The following WNT4 variants were observed in gnomAD, a reference collection of about 807,000 sequenced individuals.
WNT4 encodes the protein Wnt family member 4, also known as protein Wnt-4.
In WNT4, 16 loss-of-function variants were observed where a neutral mutation model predicts 34.5. The observed-to-expected ratio is 0.46, with a 90% CI of 0.31 to 0.70. The LOEUF is 0.70. Ranked by LOEUF, WNT4 falls within the 30% of genes least tolerant of loss-of-function variation. WNT4 has a pLI of 0.04. For synonymous variants in WNT4, 200 were observed against 211.9 expected, an observed-to-expected ratio of 0.94 and a Z score of 0.49; for missense variants, 379 against 495.9, an observed-to-expected ratio of 0.76 and a Z score of 2.24.
intron 2 of WNT4, among the ~76,000 whole-genome samples, chr1:22,128,540 A>G (rs1345770077): frequency 6.6e-6 from 1 of 152,056 alleles, no homozygotes; most frequent in African/African-American, 2.4e-5. Context: ...GCTGAGGACC[A>G]ATCTCCTCGG....
chr1:22,140,403 T>A lies in WNT4; in HGVS notation c.77+2443A>T, dbSNP rs1050763388. On this transcript the variant is annotated intron_variant, in intron 1 of 4. Coordinates refer to ENST00000290167, the MANE Select transcript of WNT4 (RefSeq NM_030761.5). This position sits in a 1 kb window ranked among gnomAD's most constrained non-coding sequence, Gnocchi z 5.9. ...GATTTAGATCATGCTGTGGGAGTCA[T>A]CATAATAATTATTATTGTCATGATC... 2.9e-6 allele frequency: 1 copy of A among 348,660 alleles called. No individual in the cohort carries two copies. The highest frequency in any genetic ancestry group is 2.2e-5 in the African/African-American group (1 of 45,032). The allele number at this position is 348,660 out of a possible 1,614,324, so 21.6% of individuals were successfully genotyped here. A position where few individuals can be genotyped will look rare whatever the true frequency, so the allele number is the denominator to read the frequency against.
At chr1:22,138,458 G>A (rs1185375414) in intron 1 of WNT4, among the ~76,000 whole-genome samples, 3 of 152,152 alleles carry the variant, frequency 2.0e-5, no homozygotes, top group Non-Finnish European at 4.4e-5. Flanking sequence ...CTTTCGCTTG[G>A]GGGGATGTTA....
chr1:22,127,019 T>G (rs1425181549), intron 2 of WNT4: 1 of 342,058 alleles, frequency 2.9e-6, no homozygotes, highest in Non-Finnish European at 5.8e-6. Flanking sequence ...TTCCTCTTAG[T>G]CAGTGGAGAC....
intron 1 of WNT4, among the ~76,000 whole-genome samples, chr1:22,132,376 A>AG (rs1287311309): frequency 3.9e-5 from 6 of 152,092 alleles, no homozygotes; most frequent in South Asian, 4.1e-4. Flanking sequence ...TTCTCTGGGC[A>AG]GGGGGGGCAG....
chr1:22,133,620 C>A (rs1022739291), intron 1 of WNT4, among the ~76,000 whole-genome samples: 1 of 152,258 alleles, frequency 6.6e-6, no homozygotes, highest in Non-Finnish European at 1.5e-5. Flanking sequence ...CCAATTTAGG[C>A]TCCTTCCTGC....
At chr1:22,125,195 G>A (rs1049511251) in intron 2 of WNT4, among the ~76,000 whole-genome samples, 2 of 152,072 alleles carry the variant, frequency 1.3e-5, no homozygotes, top group Admixed American at 1.3e-4. Flanking sequence ...GCCAGACCTC[G>A]CACCTCTCTG....
intron 1 of WNT4, among the ~76,000 whole-genome samples, chr1:22,138,156 A>G (rs1477648425): frequency 6.6e-6 from 1 of 152,246 alleles, no homozygotes; most frequent in African/African-American, 2.4e-5. Flanking sequence ...AAACGGTTCT[A>G]TAGGCAGGGG....
rs766760706 is a variant in WNT4, at chr1:22,120,172, C to G, written c.934G>C (p.Gly312Arg). 1 of 1,613,622 alleles carries G rather than the reference C, an allele frequency of 6.2e-7. No individual in the cohort carries two copies. Among genetic ancestry groups the G allele is most frequent in the East Asian group, 2.2e-5 (1 of 44,898 alleles). The change falls in exon 5 of 5, where the codon GGC (glycine) becomes CGC (arginine). Residue 312 changes from glycine (G) to arginine (R), a missense_variant. Gly to Arg is a moderately radical substitution (Grantham distance 125). Transcript: ENST00000290167. The stretch of plus-strand genomic sequence containing the variant: ...ACCTGCGCCGTGTGGAAGCCGCGGC[C>G]ACAGCACAGCAGCTCACAGCCGTCG... The part of the protein sequence containing the change: ...AIDGCELLCC[G>R]RGFHTAQVEL...
rs973456725 is a variant in WNT4 at position 22,129,749 on chromosome 1, G to T, written c.180C>A (p.Asn60Lys). Residue 60 changes from asparagine to lysine, a missense_variant, in exon 2 of 5, where the codon AAC becomes AAA. This residue lies in a region of WNT4 where 313 missense variants were observed against 445.8 expected (regional missense o/e 0.70). Coordinates refer to ENST00000290167, the MANE Select transcript of WNT4 (RefSeq NM_030761.5). Reference protein sequence around the residue: ...IQRQVQMCKRNLEVMDSVRRG... With the variant: ...IQRQVQMCKRKLEVMDSVRRG... ...GGCGCACCGAGTCCATGACTTCCAGGTTCCGCTTGCACATCTGCACCTGCC... is the reference window on the plus strand; with the variant it reads ...GGCGCACCGAGTCCATGACTTCCAGTTTCCGCTTGCACATCTGCACCTGCC... The T allele has an allele frequency of 6.2e-7, 1 of 1,614,014 alleles. No individual in the cohort carries two copies. The highest frequency in any genetic ancestry group is 8.5e-7 in the Non-Finnish European group (1 of 1,180,026).
intron 2 of WNT4, 117 bp from the exon 3 acceptor site, chr1:22,121,693 G>A (rs749062850): frequency 1.9e-5 from 28 of 1,489,878 alleles, no homozygotes; most frequent in Non-Finnish European, 2.2e-5. Context: ...GAGGGAGCAA[G>A]ACAGGCAGAA....
Position 22,140,355 on chromosome 1 carries a change from T to A in WNT4, c.77+2491A>T. ...CTGCGATCCCCAATCTTCTCATCTG[T>A]AACGGGATTGAAACGTTGTTGGGAT... On this transcript the variant is annotated intron_variant, in intron 1 of 4. Coordinates refer to ENST00000290167, the MANE Select transcript of WNT4 (RefSeq NM_030761.5). This position sits in a 1 kb window ranked among gnomAD's most constrained non-coding sequence, Gnocchi z 5.9. 1.3e-6 allele frequency: 1 copy of A among 781,790 alleles called. No homozygotes were observed. The highest frequency in any genetic ancestry group is 1.6e-6 in the Non-Finnish European group (1 of 644,076). 48.4% of individuals were successfully genotyped at this position (781,790 alleles called of 1,614,324 possible). A position where few individuals can be genotyped will look rare whatever the true frequency, so the allele number is the denominator to read the frequency against.
chr1:22,133,795 C>A (rs952703512), intron 1 of WNT4, among the ~76,000 whole-genome samples: 4 of 152,242 alleles, frequency 2.6e-5, no homozygotes, highest in African/African-American at 7.2e-5. Context: ...GCTGCAGGTC[C>A]TGCAGGCTCC....
chr1:22,129,545 G>A (rs570930153), intron 2 of WNT4, 71 bp downstream of exon 2: 75 of 1,509,956 alleles, frequency 5.0e-5, no homozygotes, highest in Admixed American at 3.4e-4. Context: ...GCTCACGAGC[G>A]TCTCATTTCC....
At position 22,117,969 on chromosome 1, in the gene WNT4, CCAGCTGGG is replaced by C. The variant is rs2124089503; in HGVS notation, c.*2073_*2080del. On this transcript the variant is annotated 3_prime_UTR_variant, in exon 5 of 5. Coordinates refer to ENST00000290167, the MANE Select transcript of WNT4 (RefSeq NM_030761.5). ...ACAGCCAGCCAGGGGAGCAGCGGACCCAGCTGGGCAGCTGTGGCGACAGTTGGATCAGC... is the reference window on the plus strand; with the variant it reads ...ACAGCCAGCCAGGGGAGCAGCGGACCCAGCTGTGGCGACAGTTGGATCAGC... The C allele has an allele frequency of 6.6e-6, 1 of 152,330 alleles. No individual in the cohort carries two copies. The highest frequency in any genetic ancestry group is 2.1e-4 in the South Asian group (1 of 4,828). The allele number at this position is 152,330 out of a possible 1,614,324, so 9.4% of individuals were successfully genotyped here.
chr1:22,140,203 G>C lies in WNT4; in HGVS notation c.77+2643C>G. On this transcript the variant is annotated intron_variant, in intron 1 of 4. Transcript: ENST00000290167. This position sits in a 1 kb window ranked among gnomAD's most constrained non-coding sequence, Gnocchi z 5.9. ...CCAGGCCTCCTCATACCTCACACTT[G>C]AAAAGACACAGTGCCAGCCATCATG... The C allele has an allele frequency of 1.0e-6, 1 of 985,430 alleles. No homozygotes were observed. The highest frequency in any genetic ancestry group is 1.2e-6 in the Non-Finnish European group (1 of 829,920). The allele number at this position is 985,430 out of a possible 1,614,324, so 61.0% of individuals were successfully genotyped here. A position where few individuals can be genotyped will look rare whatever the true frequency, so the allele number is the denominator to read the frequency against.
intron 1 of WNT4, among the ~76,000 whole-genome samples, chr1:22,141,939 G>A (rs1287107562): frequency 6.6e-6 from 1 of 152,232 alleles, no homozygotes; most frequent in Non-Finnish European, 1.5e-5. Context: ...TGGTGGCAGA[G>A]CTCTGGGCAG....
At chr1:22,123,331 G>A (rs1319111629) in intron 2 of WNT4, among the ~76,000 whole-genome samples, 1 of 152,066 alleles carries the variant, frequency 6.6e-6, no homozygotes, top group Non-Finnish European at 1.5e-5. Context: ...GGGGTGCAGG[G>A]CCACCAGGGA....
chr1:22,137,790 G>A lies in WNT4; in HGVS notation c.77+5056C>T, dbSNP rs1215595713. ...CAGCCTGGCTCTCAGGGTCTGTTCC[G>A]GCCCAGCAGTGAGGGGCAGAGCAGC... On this transcript the variant is annotated intron_variant, in intron 1 of 4. Transcript: ENST00000290167. The surrounding 1 kb of genome is among the most constrained non-coding windows in gnomAD (Gnocchi z 5.3). 2.6e-5 allele frequency among the ~76,000 whole-genome samples: 4 copies of A among 152,132 alleles called. No individual in the cohort carries two copies. The highest frequency in any genetic ancestry group is 9.7e-5 in the African/African-American group (4 of 41,410).
At chr1:22,122,313 G>C (rs1291744375) in intron 2 of WNT4, among the ~76,000 whole-genome samples, 1 of 152,150 alleles carries the variant, frequency 6.6e-6, no homozygotes, top group Non-Finnish European at 1.5e-5. Context: ...GAGAAATGGA[G>C]GATCAGCCGG....
Sources: gnomAD v4.1 joint callset for allele counts (sites outside exome capture counted in the v4.1 genomes callset) on GRCh38, gnomAD v4.1.1 for gene constraint, gnomAD v4.1.1 regional missense constraint, Gnocchi (gnomAD v3.1) non-coding constraint, MANE v1.5 for transcripts, NCBI Gene and HGNC (gene_info 2026-07-23, HGNC 2026-07-21) for gene names.